The following NALF1 variants were observed in gnomAD, a reference collection of about 807,000 sequenced individuals.
NALF1 encodes the protein family with sequence similarity 155 member A.
Under a neutral mutation model 48.4 loss-of-function variants are expected in NALF1, and 3 were observed. The ratio of observed to expected loss-of-function variants is 0.06; its 90% CI spans 0.03 to 0.16. The LOEUF (loss-of-function observed/expected upper bound fraction) is 0.16, where lower values mean the gene tolerates loss of function less well. Ranked by LOEUF, NALF1 falls within the 10% of genes least tolerant of loss-of-function variation. The pLI, the probability that NALF1 is intolerant of heterozygous loss-of-function variation, is 1.00. For missense variants in NALF1, 526 were observed against 571.5 expected, an observed-to-expected ratio of 0.92 and a Z score of 0.81; for synonymous variants, 262 against 245.7, an observed-to-expected ratio of 1.07 and a Z score of -0.62.
intron 1 of NALF1, among the ~76,000 whole-genome samples, chr13:107,815,101 G>T (rs1243270165): frequency 6.6e-6 from 1 of 151,956 alleles, no homozygotes; most frequent in Non-Finnish European, 1.5e-5. Context: ...TGAAGCAATG[G>T]TTTCTCAGTT....
At chr13:107,178,698 C>A (rs1035619090) in intron 2 of NALF1, among the ~76,000 whole-genome samples, 1 of 152,198 alleles carries the variant, frequency 6.6e-6, no homozygotes, top group East Asian at 1.9e-4. Context: ...AATCCCAGCA[C>A]TTTGGCAGGC....
chr13:107,272,669 A>G (rs1881200646), intron 1 of NALF1, among the ~76,000 whole-genome samples: 1 of 152,288 alleles, frequency 6.6e-6, no homozygotes, highest in East Asian at 1.9e-4. Context: ...CAGTTCATGT[A>G]ATGACTTTGT....
chr13:107,771,689 T>A (rs564762880), intron 1 of NALF1, among the ~76,000 whole-genome samples: 2 of 152,138 alleles, frequency 1.3e-5, no homozygotes, highest in African/African-American at 4.8e-5. Flanking sequence ...GTTTACTAAA[T>A]AGACTCAGAC....
intron 2 of NALF1, among the ~76,000 whole-genome samples, chr13:107,196,834 C>T (rs1401363690): frequency 1.3e-5 from 2 of 152,068 alleles, no homozygotes; most frequent in Non-Finnish European, 2.9e-5. Context: ...TATGGCTGCT[C>T]TTGCCACAGG....
At chr13:107,576,448 A>G (rs1878152092) in intron 1 of NALF1, among the ~76,000 whole-genome samples, 2 of 152,192 alleles carry the variant, frequency 1.3e-5, no homozygotes, top group Non-Finnish European at 2.9e-5. Context: ...CAGGAACTCT[A>G]AAGGGTGAGG....
At chr13:107,712,001 T>C (rs1212714393) in intron 1 of NALF1, among the ~76,000 whole-genome samples, 1 of 152,146 alleles carries the variant, frequency 6.6e-6, no homozygotes, top group African/African-American at 2.4e-5. Context: ...GGTTTTTATA[T>C]GGATTATCTA....
chr13:107,207,365 A>C (rs1162386753), intron 2 of NALF1, among the ~76,000 whole-genome samples: 8 of 152,222 alleles, frequency 5.3e-5, no homozygotes, highest in Non-Finnish European at 1.5e-5. Flanking sequence ...AATGTAAACT[A>C]TTTAAAAATC....
intron 1 of NALF1, among the ~76,000 whole-genome samples, chr13:107,241,519 C>T (rs147473424): frequency 1.3e-5 from 2 of 152,312 alleles, no homozygotes; most frequent in East Asian, 1.9e-4. Context: ...TGTGTAACCA[C>T]GAGCACGTTC....
intron 1 of NALF1, among the ~76,000 whole-genome samples, chr13:107,649,122 C>A (rs551234412): frequency 5.3e-5 from 8 of 152,102 alleles, no homozygotes; most frequent in Non-Finnish European, 1.0e-4. Flanking sequence ...TTCCCCCAAC[C>A]TATGTTTTAT....
At chr13:107,525,712 A>G (rs1009153956) in intron 1 of NALF1, among the ~76,000 whole-genome samples, 1 of 152,142 alleles carries the variant, frequency 6.6e-6, no homozygotes, top group South Asian at 2.1e-4. Flanking sequence ...ACGTGGCTCT[A>G]CTATTCTGTG....
In NALF1 at chr13:107,662,546, G is replaced by A. The variant is rs370701869; in HGVS notation, c.915+203136C>T. Among the ~76,000 whole-genome samples, 9 of 152,188 alleles carry A rather than the reference G, an allele frequency of 5.9e-5. No individual in the cohort carries two copies. In the South Asian group the frequency reaches 1.9e-3, roughly 32 times the overall value. ...GGGAATCATTTTTTCTTTAAAATTGGAGTTGTATTGTTTTTAGCCATTTTG... is the reference window on the plus strand; with the variant it reads ...GGGAATCATTTTTTCTTTAAAATTGAAGTTGTATTGTTTTTAGCCATTTTG... On this transcript the variant is annotated intron_variant, in intron 1 of 2. Coordinates refer to ENST00000375915, the MANE Select transcript of NALF1 (RefSeq NM_001080396.3).
At chr13:107,400,906 A>G (rs1049138758) in intron 1 of NALF1, among the ~76,000 whole-genome samples, 1 of 152,042 alleles carries the variant, frequency 6.6e-6, no homozygotes, top group Non-Finnish European at 1.5e-5. Flanking sequence ...GATCCCACAT[A>G]CACACTTTTC....
chr13:107,492,177 A>G (rs1293539580), intron 1 of NALF1, among the ~76,000 whole-genome samples: 1 of 151,200 alleles, frequency 6.6e-6, no homozygotes, highest in Non-Finnish European at 1.5e-5. Flanking sequence ...CAGCCTTACG[A>G]GTAGCTGGGA....
intron 1 of NALF1, among the ~76,000 whole-genome samples, chr13:107,558,896 T>C (rs914760626): frequency 1.3e-5 from 2 of 152,294 alleles, no homozygotes; most frequent in Non-Finnish European, 1.5e-5. Context: ...CAGATGTCAA[T>C]GCTCCCAGTT....
chr13:107,556,436 C>T (rs987908120), intron 1 of NALF1, among the ~76,000 whole-genome samples: 1 of 151,628 alleles, frequency 6.6e-6, no homozygotes, highest in Non-Finnish European at 1.5e-5. Context: ...AACTCGAGAA[C>T]TTGAGGCCTT....
chr13:107,722,613 T>C (rs1244429965), intron 1 of NALF1, among the ~76,000 whole-genome samples: 2 of 152,128 alleles, frequency 1.3e-5, no homozygotes, highest in Non-Finnish European at 2.9e-5. Context: ...CTGAAAACGG[T>C]TGCCTACATC....
intron 1 of NALF1, among the ~76,000 whole-genome samples, chr13:107,633,594 C>T (rs1416211227): frequency 1.3e-5 from 2 of 151,816 alleles, no homozygotes; most frequent in African/African-American, 4.8e-5. Flanking sequence ...ATAAATACCA[C>T]ATTAAACCCG....
chr13:107,326,213 A>G (rs1303520273), intron 1 of NALF1, among the ~76,000 whole-genome samples: 1 of 152,002 alleles, frequency 6.6e-6, no homozygotes, highest in Non-Finnish European at 1.5e-5. Context: ...AAAAATTAGC[A>G]TCAGTCACAT....
At chr13:107,257,200 C>T (rs1476561721) in intron 1 of NALF1, among the ~76,000 whole-genome samples, 1 of 152,098 alleles carries the variant, frequency 6.6e-6, no homozygotes, top group Non-Finnish European at 1.5e-5. Context: ...CCAGTCACCT[C>T]CCTCCCTTGA....
Sources: allele counts gnomAD v4.1 joint callset (sites outside exome capture counted in the v4.1 genomes callset), GRCh38; gene constraint gnomAD v4.1.1; transcripts MANE v1.5; gene names NCBI Gene and HGNC (gene_info 2026-07-23, HGNC 2026-07-21).